NEGR1: variants seen among roughly 807,000 people sequenced by gnomAD.
The protein encoded by NEGR1 is IgLON family member 4.
A neutral mutation model predicts 40.9 loss-of-function variants in NEGR1; 10 were observed. That is an observed-to-expected ratio of 0.24 (90% confidence interval 0.15 to 0.42). The LOEUF is 0.42. Among genes scored for constraint, NEGR1 ranks in the 10% least tolerant of loss-of-function variants. The pLI, the probability that NEGR1 is intolerant of heterozygous loss-of-function variation, is 1.00. For missense variants in NEGR1, 352 were observed against 438.9 expected, an observed-to-expected ratio of 0.80 and a Z score of 1.77; for synonymous variants, 185 against 166.8, an observed-to-expected ratio of 1.11 and a Z score of -0.84.
intron 1 of NEGR1, among the ~76,000 whole-genome samples, chr1:72,110,711 A>G (rs184797354): frequency 6.6e-6 from 1 of 151,732 alleles, no homozygotes; most frequent in Admixed American, 6.6e-5. Context: ...GAACGAACAT[A>G]CTTAGAAATA....
chr1:72,046,021 G>T (rs1290409163), intron 1 of NEGR1, among the ~76,000 whole-genome samples: 1 of 151,608 alleles, frequency 6.6e-6, no homozygotes, highest in African/African-American at 2.4e-5. Flanking sequence ...GTAATTAATG[G>T]AAAATATAAT....
intron 3 of NEGR1, among the ~76,000 whole-genome samples, chr1:71,739,563 C>A (rs1249798039): frequency 2.0e-5 from 3 of 151,580 alleles, no homozygotes; most frequent in African/African-American, 7.3e-5. Flanking sequence ...TACTCTTTTC[C>A]GAAAAATGAG....
intron 1 of NEGR1, among the ~76,000 whole-genome samples, chr1:72,250,931 G>C (rs1655066098): frequency 6.6e-6 from 1 of 152,150 alleles, no homozygotes; most frequent in Admixed American, 6.5e-5. Flanking sequence ...AAGATGATCT[G>C]CTCTATGTAC....
At chr1:72,269,860 T>C (rs1439425053) in intron 1 of NEGR1, among the ~76,000 whole-genome samples, 1 of 151,734 alleles carries the variant, frequency 6.6e-6, no homozygotes, top group Non-Finnish European at 1.5e-5. Flanking sequence ...AGCATGTACA[T>C]TTAATATGCC....
intron 6 of NEGR1, among the ~76,000 whole-genome samples, chr1:71,527,402 A>ACCAT (rs71095944): frequency 0.055 from 8,159 of 147,864 alleles, 278 homozygotes; most frequent in Middle Eastern, 0.097. Context: ...CCATCCAACC[A>ACCAT]CCATCCATCC....
chr1:71,725,548 C>T (rs976331943), intron 3 of NEGR1, among the ~76,000 whole-genome samples: 1 of 152,028 alleles, frequency 6.6e-6, no homozygotes. Context: ...CTGAACTTTA[C>T]GATTAATAAT....
intron 2 of NEGR1, among the ~76,000 whole-genome samples, chr1:71,806,685 G>A (rs1208994336): frequency 6.6e-6 from 1 of 151,914 alleles, no homozygotes; most frequent in Admixed American, 6.6e-5. Context: ...TACTCACAAT[G>A]GCCCTATAAG....
At chr1:72,128,160 T>C (rs986323117) in intron 1 of NEGR1, among the ~76,000 whole-genome samples, 1 of 152,110 alleles carries the variant, frequency 6.6e-6, no homozygotes, top group Non-Finnish European at 1.5e-5. Context: ...ATATTTCCCA[T>C]TTGCTACAAG....
In NEGR1 at chr1:72,034,062, A is replaced by G. The variant is rs190313924; in HGVS notation, c.177-98751T>C. Among the ~76,000 whole-genome samples the G allele has an allele frequency of 2.0e-5, 3 of 152,370 alleles. No homozygotes were observed. The East Asian group carries it at 5.8e-4, about 29-fold the overall frequency. Reference sequence around the variant, plus strand: ...TGCAGGTATTTCAGGAAGGTGAAACAGGATCTGACTGTTTTCTTGTATTCT... The same window carrying G: ...TGCAGGTATTTCAGGAAGGTGAAACGGGATCTGACTGTTTTCTTGTATTCT... On this transcript the variant is annotated intron_variant, in intron 1 of 6. Transcript: ENST00000357731.
chr1:72,013,780 G>T (rs1189697778), intron 1 of NEGR1, among the ~76,000 whole-genome samples: 1 of 151,018 alleles, frequency 6.6e-6, no homozygotes, highest in African/African-American at 2.4e-5. Flanking sequence ...CGTGAACAAA[G>T]TTTTTCAAAC....
intron 1 of NEGR1, among the ~76,000 whole-genome samples, chr1:72,030,914 C>T (rs1042436377): frequency 6.6e-6 from 1 of 152,146 alleles, no homozygotes; most frequent in Non-Finnish European, 1.5e-5. Context: ...AGGAAAGATG[C>T]TCTTCACGTA....
chr1:71,986,147 T>C (rs1446279779), intron 1 of NEGR1, among the ~76,000 whole-genome samples: 6 of 152,232 alleles, frequency 3.9e-5, no homozygotes, highest in Non-Finnish European at 8.8e-5. Flanking sequence ...GTGAAAATTC[T>C]ATATGTGGTA....
chr1:72,270,897 C>T (rs1480743620), intron 1 of NEGR1, among the ~76,000 whole-genome samples: 5 of 151,650 alleles, frequency 3.3e-5, no homozygotes, highest in African/African-American at 9.7e-5. Context: ...AGCCAAGTGC[C>T]AATAAATTTC....
At chr1:72,178,802 C>T (rs1271962813) in intron 1 of NEGR1, among the ~76,000 whole-genome samples, 1 of 151,464 alleles carries the variant, frequency 6.6e-6, no homozygotes, top group Non-Finnish European at 1.5e-5. Flanking sequence ...CTAATACTTA[C>T]TGATATTGAG....
chr1:71,408,388 T>C (rs960453672), intron 6 of NEGR1, among the ~76,000 whole-genome samples: 1 of 151,978 alleles, frequency 6.6e-6, no homozygotes, highest in African/African-American at 2.4e-5. Context: ...TTTTGAAGAA[T>C]TTGGAGAGTT....
intron 6 of NEGR1, among the ~76,000 whole-genome samples, chr1:71,444,278 C>T (rs1423199119): frequency 1.3e-5 from 2 of 152,140 alleles, no homozygotes; most frequent in African/African-American, 4.8e-5. Flanking sequence ...AAAGGTTCTG[C>T]TCTGTAGTTT....
chr1:71,434,905 A>C lies in NEGR1; in HGVS notation c.941-27335T>G, dbSNP rs532916969. ...AGGAGATCAAGACCATCCTGGCTAA[A>C]ACGGTGAAACCCCGTCTCTACTAAA... On this transcript the variant is annotated intron_variant, in intron 6 of 6. Transcript: ENST00000357731. 7.7e-3 allele frequency among the ~76,000 whole-genome samples: 1,174 copies of C among 152,178 alleles called. 12 individuals are homozygous for C. Among genetic ancestry groups the C allele is most frequent in the African/African-American group, 0.02 (823 of 41,540 alleles).
chr1:71,614,637 C>A (rs1169773146), intron 4 of NEGR1, among the ~76,000 whole-genome samples: 1 of 152,064 alleles, frequency 6.6e-6, no homozygotes, highest in Non-Finnish European at 1.5e-5. Context: ...CCATATGCAA[C>A]AGGAGATCCA....
rs1375080463 is a variant in NEGR1 at position 71,405,621 on chromosome 1, C to T, written c.*1825G>A. On this transcript the variant is annotated 3_prime_UTR_variant, in exon 7 of 7. Transcript: ENST00000357731. ...TTGTGGAAAGAGTATACTTATGTCC[C>T]CTCATTTAAGATTCATTTTTCTAAT... The T allele has an allele frequency of 1.3e-5, 2 of 150,900 alleles. No individual in the cohort carries two copies. The highest frequency in any genetic ancestry group is 4.9e-5 in the African/African-American group (2 of 40,970). 9.3% of individuals were successfully genotyped at this position (150,900 alleles called of 1,614,324 possible). A position where few individuals can be genotyped will look rare whatever the true frequency, so the allele number is the denominator to read the frequency against.
Sources: gnomAD v4.1 joint callset for allele counts (sites outside exome capture counted in the v4.1 genomes callset) on GRCh38, gnomAD v4.1.1 for gene constraint, MANE v1.5 for transcripts, NCBI Gene and HGNC (gene_info 2026-07-23, HGNC 2026-07-21) for gene names.